Variants in GRID1 observed in about 807,000 individuals in gnomAD.
GRID1 encodes the protein glutamate ionotropic receptor delta type subunit 1.
A neutral mutation model predicts 98.0 loss-of-function variants in GRID1; 28 were observed. The observed-to-expected ratio is 0.29, with a 90% CI of 0.21 to 0.39. The LOEUF (loss-of-function observed/expected upper bound fraction) is 0.39. Among genes scored for constraint, GRID1 ranks in the 10% least tolerant of loss-of-function variants. GRID1 has a pLI of 1.00. For synonymous variants in GRID1, 553 were observed against 538.5 expected, an observed-to-expected ratio of 1.03 and a Z score of -0.37; for missense variants, 1,111 against 1,340.5, an observed-to-expected ratio of 0.83 and a Z score of 2.67.
chr10:85,796,010 C>G (rs774508248), intron 8 of GRID1, among the ~76,000 whole-genome samples: 12 of 152,140 alleles, frequency 7.9e-5, no homozygotes, highest in Non-Finnish European at 1.6e-4. Flanking sequence ...AAAACCAAAC[C>G]TCTAATCCCA....
At chr10:86,047,983 G>A (rs1706245701) in intron 4 of GRID1, among the ~76,000 whole-genome samples, 1 of 152,148 alleles carries the variant, frequency 6.6e-6, no homozygotes, top group African/African-American at 2.4e-5. Context: ...GGAAACACCT[G>A]ATGTGGCAAT....
chr10:85,898,033 C>T (rs1206724308), intron 5 of GRID1, among the ~76,000 whole-genome samples: 1 of 152,116 alleles, frequency 6.6e-6, no homozygotes, highest in African/African-American at 2.4e-5. Context: ...ATTGTGAGAA[C>T]ATCATAGAGG....
At chr10:85,889,800 A>G (rs533788268) in intron 5 of GRID1, among the ~76,000 whole-genome samples, 9 of 152,314 alleles carry the variant, frequency 5.9e-5, no homozygotes, top group African/African-American at 2.2e-4. Flanking sequence ...TCTCACCAAC[A>G]GTGTGTTAAG....
intron 13 of GRID1, among the ~76,000 whole-genome samples, chr10:85,641,546 G>C (rs1042777610): frequency 3.9e-5 from 6 of 152,180 alleles, no homozygotes; most frequent in African/African-American, 9.7e-5. Context: ...ATGGGAAGAG[G>C]CACGAGTGGA....
At chr10:86,229,380 A>G (rs1375874558) in intron 2 of GRID1, among the ~76,000 whole-genome samples, 1 of 152,194 alleles carries the variant, frequency 6.6e-6, no homozygotes, top group Non-Finnish European at 1.5e-5. Context: ...CCAGGCTGCC[A>G]AGGTTAAAGC....
intron 4 of GRID1, among the ~76,000 whole-genome samples, chr10:85,930,510 T>C (rs971670191): frequency 6.6e-6 from 1 of 152,062 alleles, no homozygotes; most frequent in African/African-American, 2.4e-5. Context: ...TCCCTTCTCT[T>C]GTGTGGACCA....
chr10:86,251,409 T>A (rs1327666571), intron 2 of GRID1, among the ~76,000 whole-genome samples: 1 of 151,930 alleles, frequency 6.6e-6, no homozygotes, highest in African/African-American at 2.4e-5. Context: ...TATGACATAT[T>A]TATGCCAAAT....
intron 4 of GRID1, among the ~76,000 whole-genome samples, chr10:85,977,382 C>A (rs1163884588): frequency 6.6e-6 from 1 of 152,138 alleles, no homozygotes; most frequent in African/African-American, 2.4e-5. Context: ...AGAGATGAGA[C>A]TTGCCTGACT....
At chr10:86,293,004 C>T (rs2132076447) in intron 2 of GRID1, among the ~76,000 whole-genome samples, 1 of 152,258 alleles carries the variant, frequency 6.6e-6, no homozygotes, top group East Asian at 1.9e-4. Flanking sequence ...TCACAGACCT[C>T]AGACTCCCAG....
chr10:85,820,783 T>C (rs1842763143), intron 8 of GRID1, among the ~76,000 whole-genome samples: 1 of 152,204 alleles, frequency 6.6e-6, no homozygotes, highest in Non-Finnish European at 1.5e-5. Flanking sequence ...GGCAAGGCTG[T>C]AGAAGAATTG....
intron 2 of GRID1, among the ~76,000 whole-genome samples, chr10:86,285,907 T>C (rs1245417369): frequency 6.6e-6 from 1 of 152,238 alleles, no homozygotes; most frequent in East Asian, 1.9e-4. Context: ...GAACCTGCTG[T>C]ACATTGTTTT....
chr10:86,196,537 A>C (rs1313269406), intron 3 of GRID1, among the ~76,000 whole-genome samples: 2 of 152,108 alleles, frequency 1.3e-5, no homozygotes, highest in Non-Finnish European at 2.9e-5. Flanking sequence ...AGCACGTTAG[A>C]AAAAGATAAA....
At chr10:86,360,853 T>A (rs1277240580) in intron 2 of GRID1, among the ~76,000 whole-genome samples, 1 of 152,032 alleles carries the variant, frequency 6.6e-6, no homozygotes, top group Non-Finnish European at 1.5e-5. Flanking sequence ...GAACTGAAAC[T>A]CTTTAAGCTC....
chr10:86,062,644 T>C (rs1384870606), intron 4 of GRID1, among the ~76,000 whole-genome samples: 1 of 152,186 alleles, frequency 6.6e-6, no homozygotes, highest in Non-Finnish European at 1.5e-5. Flanking sequence ...CCCACCATGA[T>C]TATTAGCTCC....
chr10:86,029,559 G>C (rs1843157706), intron 4 of GRID1, among the ~76,000 whole-genome samples: 1 of 152,086 alleles, frequency 6.6e-6, no homozygotes, highest in South Asian at 2.1e-4. Flanking sequence ...ATCATAATTT[G>C]TTTTTACCAA....
At chr10:85,767,015 C>T (rs1842204436) in intron 8 of GRID1, among the ~76,000 whole-genome samples, 1 of 152,078 alleles carries the variant, frequency 6.6e-6, no homozygotes, top group East Asian at 1.9e-4. Flanking sequence ...CCATGCCCCT[C>T]TTGTTTCCTG....
chr10:86,144,214 A>G (rs535949394), intron 3 of GRID1, among the ~76,000 whole-genome samples: 3 of 152,302 alleles, frequency 2.0e-5, no homozygotes, highest in Non-Finnish European at 4.4e-5. Flanking sequence ...AAGAAAATAA[A>G]TGCTGGATGG....
intron 4 of GRID1, among the ~76,000 whole-genome samples, chr10:86,116,185 G>A (rs190841873): frequency 2.8e-4 from 42 of 152,310 alleles, no homozygotes; most frequent in African/African-American, 8.4e-4. Context: ...AATAGCTCAA[G>A]AGTAAACAGC....
At chr10:85,880,801 G>A (rs1445620224) in intron 5 of GRID1, among the ~76,000 whole-genome samples, 1 of 151,996 alleles carries the variant, frequency 6.6e-6, no homozygotes, top group Admixed American at 6.6e-5. Flanking sequence ...GGAAATAAAG[G>A]GTATTCAATT....
Sources: allele counts gnomAD v4.1 joint callset (sites outside exome capture counted in the v4.1 genomes callset), GRCh38; gene constraint gnomAD v4.1.1; transcripts MANE v1.5; gene names NCBI Gene and HGNC (gene_info 2026-07-23, HGNC 2026-07-21).